TNFSF4: variants seen among roughly 807,000 people sequenced by gnomAD.
TNFSF4 encodes TNF superfamily member 4.
In TNFSF4, 4 loss-of-function variants were observed where a neutral mutation model predicts 7.3. That is an observed-to-expected ratio of 0.55 (90% CI 0.27 to 1.25). TNFSF4 has a LOEUF of 1.25. Among genes scored for constraint, TNFSF4 ranks in the 50% most tolerant of loss-of-function variants. The pLI, the probability that TNFSF4 is intolerant of heterozygous loss-of-function variation, is 0.12. For missense variants in TNFSF4, 181 were observed against 208.8 expected, an observed-to-expected ratio of 0.87 and a Z score of 0.82; for synonymous variants, 76 against 83.7, an observed-to-expected ratio of 0.91 and a Z score of 0.50.
At chr1:173,423,465 T>C in the TNFSF4 span, among the ~76,000 whole-genome samples, 4 of 152,178 alleles carry the variant, frequency 2.6e-5, no homozygotes, top group Non-Finnish European at 5.9e-5. Context: ...ATACCAAGTA[T>C]GCAATAACAG....
the TNFSF4 span, among the ~76,000 whole-genome samples, chr1:173,310,810 G>T: frequency 6.6e-6 from 1 of 151,478 alleles, no homozygotes; most frequent in Non-Finnish European, 1.5e-5. Context: ...ACGTTAATAG[G>T]TGCATACAAA....
chr1:173,201,616 G>A (rs376718388), intron 1 of TNFSF4, among the ~76,000 whole-genome samples: 12 of 152,266 alleles, frequency 7.9e-5, no homozygotes, highest in African/African-American at 2.9e-4. Context: ...AAATTTACTT[G>A]GGGTCAAGAG....
chr1:173,289,813 T>A, the TNFSF4 span, among the ~76,000 whole-genome samples: 1 of 151,958 alleles, frequency 6.6e-6, no homozygotes, highest in East Asian at 1.9e-4. Flanking sequence ...GTTTAAGATA[T>A]GCAATAGAAA....
chr1:173,323,671 C>T, the TNFSF4 span, among the ~76,000 whole-genome samples: 2 of 152,068 alleles, frequency 1.3e-5, no homozygotes, highest in African/African-American at 4.8e-5. Context: ...CCTTAAAGGA[C>T]CTGATGGAGC....
At chr1:173,310,286 A>C in the TNFSF4 span, among the ~76,000 whole-genome samples, 19 of 152,062 alleles carry the variant, frequency 1.2e-4, no homozygotes, top group East Asian at 3.5e-3. Context: ...ACTTAAGGGC[A>C]AAAAATGTCC....
chr1:173,441,916 T>TA, the TNFSF4 span: 1 of 152,190 alleles, frequency 6.6e-6, no homozygotes, highest in Non-Finnish European at 1.5e-5. Context: ...GGTGAGGTCT[T>TA]ACCAGGTTTG....
the TNFSF4 span, among the ~76,000 whole-genome samples, chr1:173,216,559 C>T: frequency 6.6e-6 from 1 of 152,088 alleles, no homozygotes; most frequent in African/African-American, 2.4e-5. Context: ...TGAATGGTTC[C>T]TTATGATCAG....
chr1:173,297,547 GCT>G, the TNFSF4 span, among the ~76,000 whole-genome samples: 1 of 151,944 alleles, frequency 6.6e-6, no homozygotes, highest in South Asian at 2.1e-4. Flanking sequence ...CCACTCATCA[GCT>G]CCCAGAGATG....
At chr1:173,377,468 A>G in the TNFSF4 span, among the ~76,000 whole-genome samples, 3 of 152,166 alleles carry the variant, frequency 2.0e-5, no homozygotes, top group Non-Finnish European at 2.9e-5. Context: ...AAGTTGGATG[A>G]CCCTGCGGCC....
At chr1:173,201,689 A>G (rs1002566416) in intron 1 of TNFSF4, among the ~76,000 whole-genome samples, 6 of 152,150 alleles carry the variant, frequency 3.9e-5, no homozygotes, top group Non-Finnish European at 8.8e-5. Context: ...TACTTCAATG[A>G]GTCCTCCAAA....
chr1:173,215,454 C>T, the TNFSF4 span, among the ~76,000 whole-genome samples: 1 of 152,100 alleles, frequency 6.6e-6, no homozygotes, highest in Non-Finnish European at 1.5e-5. Flanking sequence ...ACCTATCATT[C>T]TCTATGATAA....
the TNFSF4 span, among the ~76,000 whole-genome samples, chr1:173,281,155 G>A: frequency 1.3e-5 from 2 of 151,962 alleles, no homozygotes; most frequent in Non-Finnish European, 2.9e-5. Flanking sequence ...ACAGTTTGTG[G>A]GAGGCACGTC....
the TNFSF4 span, among the ~76,000 whole-genome samples, chr1:173,343,329 G>T: frequency 6.6e-6 from 1 of 152,170 alleles, no homozygotes; most frequent in Non-Finnish European, 1.5e-5. Context: ...TTCTCAAAAG[G>T]TGACATGCAA....
the TNFSF4 span, among the ~76,000 whole-genome samples, chr1:173,320,264 C>T: frequency 7.6e-4 from 115 of 152,040 alleles, no homozygotes; most frequent in Non-Finnish European, 1.4e-3. Flanking sequence ...CAGAAAAGGC[C>T]ATTGACAAAA....
At chr1:173,388,927 A>C in the TNFSF4 span, among the ~76,000 whole-genome samples, 1 of 152,186 alleles carries the variant, frequency 6.6e-6, no homozygotes, top group African/African-American at 2.4e-5. Flanking sequence ...AGAACTACTG[A>C]CATACAGTGA....
chr1:173,279,022 C>T, the TNFSF4 span, among the ~76,000 whole-genome samples: 1 of 152,042 alleles, frequency 6.6e-6, no homozygotes, highest in African/African-American at 2.4e-5. Flanking sequence ...GTCCAGTGGG[C>T]ATAAATTGTT....
the TNFSF4 span, among the ~76,000 whole-genome samples, chr1:173,339,249 G>A: frequency 1.3e-5 from 2 of 152,106 alleles, no homozygotes; most frequent in East Asian, 1.9e-4. Context: ...GGGCATGGTG[G>A]TGCATGCTTG....
the TNFSF4 span, among the ~76,000 whole-genome samples, chr1:173,280,393 C>A: frequency 6.6e-6 from 1 of 152,062 alleles, no homozygotes; most frequent in Non-Finnish European, 1.5e-5. Context: ...TGTTCATAAT[C>A]TAACTAGTAG....
downstream of TNFSF4, among the ~76,000 whole-genome samples, chr1:173,183,000 G>A (rs1649083475): frequency 1.3e-5 from 2 of 152,098 alleles, no homozygotes; most frequent in Admixed American, 6.5e-5. Context: ...TCTGTTTTTG[G>A]TTTTGTTTTC....
Sources: gnomAD v4.1 joint callset for allele counts (sites outside exome capture counted in the v4.1 genomes callset) on GRCh38, gnomAD v4.1.1 for gene constraint, MANE v1.5 for transcripts, NCBI Gene and HGNC (gene_info 2026-07-23, HGNC 2026-07-21) for gene names.